MCM8: variants seen among roughly 807,000 people sequenced by gnomAD.
The protein encoded by MCM8 is minichromosome maintenance 8 homologous recombination repair factor, also known as DNA helicase MCM8.
Under a neutral mutation model 98.9 loss-of-function variants are expected in MCM8, and 85 were observed. That is an observed-to-expected ratio of 0.86 (90% CI 0.72 to 1.03). The LOEUF (loss-of-function observed/expected upper bound fraction) is 1.03, where lower values mean the gene tolerates loss of function less well. Among genes scored for constraint, MCM8 ranks in the 50% least tolerant of loss-of-function variants. The pLI is 0.00. For missense variants in MCM8, 951 were observed against 997.8 expected (o/e 0.95, Z 0.63); for synonymous variants, 352 against 338.6 (o/e 1.04, Z -0.44).
intron 16 of MCM8, among the ~76,000 whole-genome samples, chr20:5,987,033 C>T (rs1289405617): frequency 6.6e-6 from 1 of 152,148 alleles, no homozygotes; most frequent in Non-Finnish European, 1.5e-5. Flanking sequence ...CACTTTGTTG[C>T]TCAGGCTGGT....
chr20:5,977,992 T>A lies in MCM8; in HGVS notation c.1512T>A (p.Ala504=), dbSNP rs764110675. ...DSSSGDFALE[A]GALVLGDQGI... ...CCTCTGGAGATTTTGCTTTGGAAGCTGGTGCCCTGGTACTTGGTGATCAAG... is the reference window on the plus strand; with the variant it reads ...CCTCTGGAGATTTTGCTTTGGAAGCAGGTGCCCTGGTACTTGGTGATCAAG... The change falls in exon 13 of 19, where the codon GCT becomes GCA. Residue 504 remains alanine, a synonymous_variant. Transcript: ENST00000610722. 5 of 1,614,146 alleles carry A rather than the reference T, an allele frequency of 3.1e-6. No individual in the cohort carries two copies. In the African/African-American group the frequency reaches 5.3e-5, roughly 17 times the overall value.
chr20:5,966,762 TG>T (rs1302967224), intron 8 of MCM8, among the ~76,000 whole-genome samples: 2 of 152,228 alleles, frequency 1.3e-5, no homozygotes, highest in Non-Finnish European at 2.9e-5. Context: ...GTTTCTCAGA[TG>T]GTAGAATGAA....
intron 1 of MCM8, 21 bp from the exon 2 acceptor site, chr20:5,951,989 CT>C (rs768638343): frequency 6.3e-7 from 1 of 1,590,754 alleles, no homozygotes; most frequent in South Asian, 1.1e-5. Context: ...TGGTGAAGAC[CT>C]TTTTAATATC....
At chr20:5,986,239 T>A in intron 16 of MCM8, 108 bp downstream of exon 16, 1 of 967,936 alleles carries the variant, frequency 1.0e-6, no homozygotes, top group Non-Finnish European at 1.6e-6. Context: ...TTCCTTTCTA[T>A]AGAGAGATGT....
chr20:5,984,843 A>T lies in MCM8; in HGVS notation c.1796A>T (p.Glu599Val). The T allele has an allele frequency of 5.6e-6, 9 of 1,614,158 alleles. No individual in the cohort carries two copies. The highest frequency in any genetic ancestry group is 7.6e-6 in the Non-Finnish European group (9 of 1,180,008). ...LVFILLDTPNEHHDHLLSEHV... is the reference protein window; with the variant it reads ...LVFILLDTPNVHHDHLLSEHV... ...TTTATCCTGTTAGATACTCCAAATG[A>T]GCATCATGATCACTTACTCTCTGAA... Residue 599 changes from glutamate (E) to valine (V), a missense_variant, in exon 15 of 19, where the codon GAG becomes GTG. Physicochemically the swap from Glu to Val is moderately radical, Grantham distance 121 (BLOSUM62 -2). Coordinates refer to ENST00000610722, the MANE Select transcript of MCM8 (RefSeq NM_032485.6).
At chr20:5,993,747 A>G in intron 18 of MCM8, 52 bp downstream of exon 18, 1 of 1,395,340 alleles carries the variant, frequency 7.2e-7, no homozygotes. Flanking sequence ...GGTCCTTGTT[A>G]ATATATAGTA....
Position 5,958,562 on chromosome 20 carries a change from A to G in MCM8, c.625A>G (p.Asn209Asp). 6.2e-7 allele frequency: 1 copy of G among 1,614,172 alleles called. No individual in the cohort carries two copies. The highest frequency in any genetic ancestry group is 8.5e-7 in the Non-Finnish European group (1 of 1,180,022). The change falls in exon 7 of 19, where the codon AAT becomes GAT. Residue 209 changes from asparagine (N) to aspartate (D), a missense_variant. Transcript: ENST00000610722. ...CTATGAGCCTTTGACACAGCTCAAG[A>G]ATGTCAGAGCAAATTACTATGGAAA... The part of the protein sequence containing the change: ...YNYEPLTQLK[N>D]VRANYYGKYI...
intron 12 of MCM8, 58 bp from the exon 13 acceptor site, chr20:5,977,818 G>C: frequency 6.9e-6 from 11 of 1,591,116 alleles, no homozygotes; most frequent in Non-Finnish European, 9.5e-6. Flanking sequence ...AGCAACTGCT[G>C]TTAGCTATTA....
chr20:5,983,887 A>G (rs1352496256), intron 14 of MCM8, among the ~76,000 whole-genome samples: 1 of 152,204 alleles, frequency 6.6e-6, no homozygotes, highest in Non-Finnish European at 1.5e-5. Context: ...GTATTGCAGC[A>G]TTATTGCTGC....
Position 5,952,152 on chromosome 20 carries a change from A to G in MCM8, c.137A>G (p.Lys46Arg), listed in dbSNP as rs756859308. The change falls in exon 2 of 19, where the codon AAA (lysine) becomes AGA (arginine). Residue 46 changes from lysine (K) to arginine (R), a missense_variant. Transcript: ENST00000610722. ...HRPDLSKTTGKRTSEQTPQFL... is the reference protein window; with the variant it reads ...HRPDLSKTTGRRTSEQTPQFL... ...CCTGATCTGAGTAAAACCACAGGAA[A>G]ACGTACTTCTGGTAGGTGAGGTCAA... 18 of 1,613,414 alleles carry G rather than the reference A, an allele frequency of 1.1e-5. No homozygotes were observed. In the Middle Eastern group the frequency reaches 1.6e-3, roughly 147 times the overall value.
chr20:5,976,738 G>A (rs1449294045), intron 12 of MCM8, among the ~76,000 whole-genome samples: 2 of 152,166 alleles, frequency 1.3e-5, no homozygotes, highest in Admixed American at 6.5e-5. Context: ...TTTTACACTA[G>A]CTATGCCTGG....
rs1435047657 is a variant in MCM8, at chr20:5,962,621, G to A, written c.790-653G>A. Among the ~76,000 whole-genome samples, 3 of 68,396 alleles carry A rather than the reference G, an allele frequency of 4.4e-5. 1 individual carries two copies. The highest frequency in any genetic ancestry group is 7.7e-4 in the African/African-American group (2 of 2,600). 44.9% of individuals were successfully genotyped at this position (68,396 alleles called of 152,430 possible). On this transcript the variant is annotated intron_variant, in intron 7 of 18. Coordinates refer to ENST00000610722, the MANE Select transcript of MCM8 (RefSeq NM_032485.6). Reference sequence around the variant, plus strand: ...GATCTCCCGACCTCATGATCCACCCGCCTCGGCCTCCCAAAGTGCTGGGAT... The same window carrying A: ...GATCTCCCGACCTCATGATCCACCCACCTCGGCCTCCCAAAGTGCTGGGAT...
intron 17 of MCM8, among the ~76,000 whole-genome samples, chr20:5,990,746 A>T (rs191140629): frequency 2.6e-5 from 4 of 152,198 alleles, no homozygotes; most frequent in Admixed American, 1.3e-4. Flanking sequence ...AAATTTCAGA[A>T]TTTTTTTTAA....
intron 18 of MCM8, 138 bp downstream of exon 18, chr20:5,993,833 A>AG: frequency 3.1e-6 from 2 of 640,180 alleles, no homozygotes; most frequent in Non-Finnish European, 2.5e-6. Context: ...TGATAGTCAG[A>AG]GGGAAACATT....
rs79759786 is a variant in MCM8 at position 5,980,138 on chromosome 20, G to A, written c.1537+2121G>A. Among the ~76,000 whole-genome samples, 1,289 of 152,256 alleles carry A rather than the reference G, an allele frequency of 8.5e-3. 20 individuals carry two copies. The highest frequency in any genetic ancestry group is 0.029 in the African/African-American group (1,216 of 41,546). On this transcript the variant is annotated intron_variant, in intron 13 of 18. Coordinates refer to ENST00000610722, the MANE Select transcript of MCM8 (RefSeq NM_032485.6). ...TGCTGAACTGTCCTGACCCCAGTGAGGTCTTCCCTAAATACCGTATTTTAA... is the reference window on the plus strand; with the variant it reads ...TGCTGAACTGTCCTGACCCCAGTGAAGTCTTCCCTAAATACCGTATTTTAA...
chr20:5,972,083 CAA>C, intron 11 of MCM8, 46 bp downstream of exon 11: 1 of 1,452,220 alleles, frequency 6.9e-7, no homozygotes, highest in South Asian at 1.2e-5. Context: ...ATAAGGTTAG[CAA>C]AAATAACATA....
At chr20:5,985,070 G>T in intron 15 of MCM8, 70 bp downstream of exon 15, 1 of 1,260,842 alleles carries the variant, frequency 7.9e-7, no homozygotes, top group South Asian at 1.3e-5. Context: ...GTGGCTTATT[G>T]TAGAGCAGTA....
intron 8 of MCM8, among the ~76,000 whole-genome samples, chr20:5,966,721 C>T (rs1389360216): frequency 1.3e-5 from 2 of 151,726 alleles, no homozygotes; most frequent in Non-Finnish European, 2.9e-5. Context: ...TCAGATTTTG[C>T]TTTATGAATG....
At chr20:5,958,814 CAG>C (rs1421892259) in intron 7 of MCM8, 88 bp downstream of exon 7, 3 of 1,169,694 alleles carry the variant, frequency 2.6e-6, no homozygotes, top group East Asian at 2.5e-5. Flanking sequence ...TTTCTGAACA[CAG>C]AGCTTATTTT....
Sources: allele counts gnomAD v4.1 joint callset (sites outside exome capture counted in the v4.1 genomes callset), GRCh38; gene constraint gnomAD v4.1.1; transcripts MANE v1.5; gene names NCBI Gene and HGNC (gene_info 2026-07-23, HGNC 2026-07-21).